Variants in NKAIN3 observed in about 807,000 individuals in gnomAD.
NKAIN3 encodes the protein sodium/potassium transporting ATPase interacting 3.
NKAIN3 carries 25 observed loss-of-function variants against 30.2 expected under a neutral mutation model. That is an observed-to-expected ratio of 0.83 (90% CI 0.60 to 1.16). The LOEUF (loss-of-function observed/expected upper bound fraction) is 1.16. NKAIN3 is among the 50% of genes most tolerant of loss of function. NKAIN3 has a pLI of 0.00. For missense variants in NKAIN3, 225 were observed against 254.1 expected (o/e 0.89, Z 0.78); for synonymous variants, 91 against 89.6 (o/e 1.02, Z -0.09).
At chr8:62,856,595 G>A (rs1820066360) in intron 4 of NKAIN3, 1 of 781,386 alleles carries the variant, frequency 1.3e-6, no homozygotes, top group Non-Finnish European at 2.4e-6. Flanking sequence ...TGAACAGCAT[G>A]ATCTTGTTAT....
At chr8:62,928,428 C>A (rs1319995340) in intron 5 of NKAIN3, among the ~76,000 whole-genome samples, 1 of 152,162 alleles carries the variant, frequency 6.6e-6, no homozygotes, top group Admixed American at 6.5e-5. Flanking sequence ...ACAGTTCAAT[C>A]AACTACAAAA....
chr8:62,614,425 C>A (rs868661546), intron 3 of NKAIN3, among the ~76,000 whole-genome samples: 1 of 152,148 alleles, frequency 6.6e-6, no homozygotes, highest in Non-Finnish European at 1.5e-5. Flanking sequence ...GTGGCCATCA[C>A]TACTATGACT....
intron 4 of NKAIN3, among the ~76,000 whole-genome samples, chr8:62,862,912 C>T (rs1433971440): frequency 6.6e-6 from 1 of 152,138 alleles, no homozygotes; most frequent in Non-Finnish European, 1.5e-5. Context: ...TATTTTTCCA[C>T]AGTGCAGGAG....
At chr8:62,778,210 C>T (rs991922198) in intron 4 of NKAIN3, among the ~76,000 whole-genome samples, 2 of 152,030 alleles carry the variant, frequency 1.3e-5, no homozygotes, top group East Asian at 3.9e-4. Context: ...CTGGCTACTG[C>T]CTAAGTTCTC....
chr8:62,547,145 T>C (rs1296600921), intron 1 of NKAIN3, among the ~76,000 whole-genome samples: 1 of 152,164 alleles, frequency 6.6e-6, no homozygotes, highest in African/African-American at 2.4e-5. Context: ...ATTGCTATGA[T>C]CAAATAAATT....
chr8:62,499,855 CTCTT>C (rs781104423), intron 1 of NKAIN3, among the ~76,000 whole-genome samples: 5 of 151,702 alleles, frequency 3.3e-5, no homozygotes, highest in East Asian at 1.9e-4. Context: ...TCCTTCTTCT[CTCTT>C]TCTTTTTTTT....
At chr8:62,830,782 G>A (rs953585518) in intron 4 of NKAIN3, among the ~76,000 whole-genome samples, 1 of 152,136 alleles carries the variant, frequency 6.6e-6, no homozygotes, top group African/African-American at 2.4e-5. Context: ...CCCATGCAGA[G>A]AACTTCCAGC....
chr8:62,391,108 A>G (rs1387607946), intron 1 of NKAIN3, among the ~76,000 whole-genome samples: 3 of 152,056 alleles, frequency 2.0e-5, no homozygotes, highest in Non-Finnish European at 4.4e-5. Flanking sequence ...TCCTCATGAA[A>G]TCTTTGCCCG....
At chr8:62,959,627 T>TC (rs1270121182) in intron 6 of NKAIN3, among the ~76,000 whole-genome samples, 5 of 152,296 alleles carry the variant, frequency 3.3e-5, no homozygotes, top group African/African-American at 1.2e-4. Context: ...AGCCTTCACA[T>TC]CTTATATTTA....
At chr8:62,998,113 C>T (rs1804163139) in intron 5 of NKAIN3, among the ~76,000 whole-genome samples, 1 of 152,220 alleles carries the variant, frequency 6.6e-6, no homozygotes, top group South Asian at 2.1e-4. Context: ...TTTACATCCC[C>T]TTGTGTCTCC....
rs528837789 is a variant in NKAIN3 at position 62,974,460 on chromosome 8, T to C, written c.*9053T>C. 2.0e-5 allele frequency among the ~76,000 whole-genome samples: 3 copies of C among 152,282 alleles called. No homozygotes were observed. Among genetic ancestry groups the C allele is most frequent in the Admixed American group, 6.5e-5 (1 of 15,290 alleles). On this transcript the variant is annotated 3_prime_UTR_variant, in exon 7 of 7. Coordinates refer to ENST00000623646, the MANE Select transcript of NKAIN3 (RefSeq NM_001304533.3). ...AGTTTGTTCATGATTTGGCTCTCTG[T>C]TTGTCTATTATTGGTGTATAGGAAT...
intron 1 of NKAIN3, among the ~76,000 whole-genome samples, chr8:62,532,813 A>G (rs1289354688): frequency 1.3e-5 from 2 of 152,146 alleles, no homozygotes; most frequent in East Asian, 1.9e-4. Context: ...TTACGCATGG[A>G]TCGAGTAGTG....
intron 1 of NKAIN3, among the ~76,000 whole-genome samples, chr8:62,543,726 A>G (rs1009927920): frequency 2.6e-5 from 4 of 152,176 alleles, no homozygotes; most frequent in Non-Finnish European, 5.9e-5. Context: ...AACATTTGTA[A>G]TACATAAGAA....
At chr8:62,818,963 A>C (rs1386123129) in intron 4 of NKAIN3, among the ~76,000 whole-genome samples, 1 of 151,960 alleles carries the variant, frequency 6.6e-6, no homozygotes, top group Non-Finnish European at 1.5e-5. Flanking sequence ...CAACCAAATG[A>C]TAGTCATCAT....
chr8:62,880,080 A>G (rs905927893), intron 4 of NKAIN3, among the ~76,000 whole-genome samples: 1 of 152,214 alleles, frequency 6.6e-6, no homozygotes, highest in Non-Finnish European at 1.5e-5. Context: ...GTAATACCAC[A>G]TGCCAGACAT....
At chr8:62,908,187 G>A (rs143514775) in intron 4 of NKAIN3, among the ~76,000 whole-genome samples, 2 of 152,270 alleles carry the variant, frequency 1.3e-5, no homozygotes, top group East Asian at 3.9e-4. Context: ...ACTTCCAAGG[G>A]GCCTGTAGCT....
chr8:62,601,485 T>C (rs549765837), intron 3 of NKAIN3, among the ~76,000 whole-genome samples: 1 of 152,188 alleles, frequency 6.6e-6, no homozygotes, highest in South Asian at 2.1e-4. Flanking sequence ...AATGGATCTA[T>C]CTATATCAAT....
At chr8:62,560,702 G>A (rs1224910451) in intron 1 of NKAIN3, among the ~76,000 whole-genome samples, 1 of 151,304 alleles carries the variant, frequency 6.6e-6, no homozygotes, top group Non-Finnish European at 1.5e-5. Flanking sequence ...ACCACGCCTG[G>A]CTAATTTTTA....
At chr8:62,663,555 A>G (rs559981415) in intron 3 of NKAIN3, among the ~76,000 whole-genome samples, 1 of 152,152 alleles carries the variant, frequency 6.6e-6, no homozygotes, top group Admixed American at 6.5e-5. Flanking sequence ...ATTATGAGAC[A>G]ATCTACTACA....
Sources: allele counts gnomAD v4.1 joint callset (sites outside exome capture counted in the v4.1 genomes callset), GRCh38; gene constraint gnomAD v4.1.1; transcripts MANE v1.5; gene names NCBI Gene and HGNC (gene_info 2026-07-23, HGNC 2026-07-21).